SORCS3: variants seen among roughly 807,000 people sequenced by gnomAD.
The protein encoded by SORCS3 is VPS10 domain-containing receptor SorCS3.
A neutral mutation model predicts 146.3 loss-of-function variants in SORCS3; 57 were observed. The ratio of observed to expected loss-of-function variants is 0.39; its 90% CI spans 0.31 to 0.49. SORCS3 has a LOEUF of 0.49. SORCS3 is among the 20% of genes least tolerant of loss of function. The pLI, the probability that SORCS3 is intolerant of heterozygous loss-of-function variation, is 0.92. For synonymous variants in SORCS3, 653 were observed against 618.5 expected (o/e 1.06, Z -0.83); for missense variants, 1,341 against 1,575.5 (o/e 0.85, Z 2.52).
At chr10:104,786,491 T>C (rs1370296075) in intron 1 of SORCS3, among the ~76,000 whole-genome samples, 2 of 150,176 alleles carry the variant, frequency 1.3e-5, no homozygotes, top group Non-Finnish European at 2.9e-5. Flanking sequence ...GAGGTTGCAG[T>C]GAGCCAAGAT....
chr10:104,736,479 G>C (rs1217451228), intron 1 of SORCS3, among the ~76,000 whole-genome samples: 1 of 152,134 alleles, frequency 6.6e-6, no homozygotes, highest in Non-Finnish European at 1.5e-5. Flanking sequence ...GTTTTTGACT[G>C]TAAGTGACAC....
chr10:104,847,111 C>T (rs935325011), intron 2 of SORCS3, among the ~76,000 whole-genome samples: 2 of 152,110 alleles, frequency 1.3e-5, no homozygotes, highest in African/African-American at 4.8e-5. Context: ...GCATATGGTG[C>T]ATGCTTTGGT....
At chr10:104,881,403 G>A (rs529870578) in intron 2 of SORCS3, among the ~76,000 whole-genome samples, 40 of 152,244 alleles carry the variant, frequency 2.6e-4, no homozygotes, top group African/African-American at 8.7e-4. Flanking sequence ...AAAGAAGCCC[G>A]TTAGTAATGC....
At chr10:104,874,798 G>C (rs2018554192) in intron 2 of SORCS3, among the ~76,000 whole-genome samples, 1 of 151,978 alleles carries the variant, frequency 6.6e-6, no homozygotes, top group Non-Finnish European at 1.5e-5. Flanking sequence ...TCACATCCTG[G>C]GAAATCCTTC....
At chr10:104,883,495 A>G (rs2018650607) in intron 2 of SORCS3, among the ~76,000 whole-genome samples, 1 of 152,160 alleles carries the variant, frequency 6.6e-6, no homozygotes, top group Non-Finnish European at 1.5e-5. Context: ...ACTCTGAAAT[A>G]TGTACTTTTA....
intron 5 of SORCS3, among the ~76,000 whole-genome samples, chr10:105,079,282 A>G (rs2055608246): frequency 6.6e-6 from 1 of 152,188 alleles, no homozygotes; most frequent in African/African-American, 2.4e-5. Context: ...AGTAGGGCCT[A>G]TGCATTTGTA....
At chr10:105,262,799 T>C (rs1225183702) in intron 26 of SORCS3, among the ~76,000 whole-genome samples, 1 of 152,244 alleles carries the variant, frequency 6.6e-6, no homozygotes, top group African/African-American at 2.4e-5. Flanking sequence ...TCCTTACTAA[T>C]GATTACATGA....
At chr10:104,861,700 G>A (rs962885998) in intron 2 of SORCS3, among the ~76,000 whole-genome samples, 3 of 152,134 alleles carry the variant, frequency 2.0e-5, no homozygotes, top group Admixed American at 6.5e-5. Flanking sequence ...ATGGCAGGAC[G>A]TCACCCAGTG....
intron 1 of SORCS3, among the ~76,000 whole-genome samples, chr10:104,654,591 A>T (rs1589448028): frequency 6.6e-6 from 1 of 152,336 alleles, no homozygotes; most frequent in East Asian, 1.9e-4. Context: ...TGGCATGTCT[A>T]AAATTTTGTT....
At chr10:104,999,205 C>A (rs991685570) in intron 4 of SORCS3, among the ~76,000 whole-genome samples, 1 of 151,966 alleles carries the variant, frequency 6.6e-6, no homozygotes, top group Non-Finnish European at 1.5e-5. Flanking sequence ...TTGGTAAATT[C>A]TTTTTAGTCA....
chr10:104,883,984 G>GGT, intron 2 of SORCS3, among the ~76,000 whole-genome samples: 1 of 150,390 alleles, frequency 6.6e-6, no homozygotes, highest in Non-Finnish European at 1.5e-5. Context: ...ATGAGGGGGG[G>GGT]GAAAGGGTCC....
At chr10:104,904,608 T>C (rs1353360766) in intron 2 of SORCS3, among the ~76,000 whole-genome samples, 1 of 151,976 alleles carries the variant, frequency 6.6e-6, no homozygotes, top group Non-Finnish European at 1.5e-5. Flanking sequence ...AATAAAATGA[T>C]ATTTTTGAAA....
chr10:104,724,178 C>CA (rs1295746752), intron 1 of SORCS3, among the ~76,000 whole-genome samples: 1 of 152,130 alleles, frequency 6.6e-6, no homozygotes, highest in African/African-American at 2.4e-5. Flanking sequence ...CTGGTGGTGA[C>CA]AAAATCTCTC....
Position 105,071,576 on chromosome 10 carries a change from C to T in SORCS3, c.1029-18199C>T, listed in dbSNP as rs74680727. Among the ~76,000 whole-genome samples the T allele has an allele frequency of 9.6e-3, 1,461 of 152,006 alleles. 17 individuals carry two copies. The highest frequency in any genetic ancestry group is 0.032 in the African/African-American group (1,334 of 41,460). ...AGTAAGTGTATATATTTATGGGGCA[C>T]GTGAGATGTTTTGATACAGGCATGC... On this transcript the variant is annotated intron_variant, in intron 5 of 26. Coordinates refer to ENST00000369701, the MANE Select transcript of SORCS3 (RefSeq NM_014978.3).
At chr10:104,695,665 AT>A (rs1380184543) in intron 1 of SORCS3, among the ~76,000 whole-genome samples, 1 of 151,786 alleles carries the variant, frequency 6.6e-6, no homozygotes, top group African/African-American at 2.4e-5. Flanking sequence ...TAATATGGGT[AT>A]GTACATATTA....
chr10:105,200,919 C>T (rs1396332156), intron 15 of SORCS3, among the ~76,000 whole-genome samples: 4 of 152,088 alleles, frequency 2.6e-5, no homozygotes, highest in African/African-American at 4.8e-5. Context: ...GAAGTGGGCC[C>T]ACCTTCCATA....
rs117080076 is a variant in SORCS3 at position 104,731,610 on chromosome 10, C to T, written c.627+89656C>T. 8.0e-3 allele frequency among the ~76,000 whole-genome samples: 1,222 copies of T among 152,318 alleles called. 31 individuals carry two copies. The highest frequency in any genetic ancestry group is 0.046 in the East Asian group (240 of 5,186). On this transcript the variant is annotated intron_variant, in intron 1 of 26. Coordinates refer to ENST00000369701, the MANE Select transcript of SORCS3 (RefSeq NM_014978.3). ...GCTTTGGATCACACTGCCTTGCCCA[C>T]TGTGATGTGTCTCCATGTCCTCTGT... is the stretch of plus-strand genomic sequence containing the variant.
intron 14 of SORCS3, among the ~76,000 whole-genome samples, chr10:105,181,829 T>C (rs2056444559): frequency 6.6e-6 from 1 of 152,166 alleles, no homozygotes; most frequent in Admixed American, 6.5e-5. Flanking sequence ...GAGATGCCTG[T>C]GGCTGTTGCA....
chr10:104,727,111 T>A (rs60256942), intron 1 of SORCS3, among the ~76,000 whole-genome samples: 1 of 152,216 alleles, frequency 6.6e-6, no homozygotes, highest in Non-Finnish European at 1.5e-5. Flanking sequence ...GAGGATCATG[T>A]CATATTCTGT....
Sources: gnomAD v4.1 joint callset for allele counts (sites outside exome capture counted in the v4.1 genomes callset) on GRCh38, gnomAD v4.1.1 for gene constraint, MANE v1.5 for transcripts, NCBI Gene and HGNC (gene_info 2026-07-23, HGNC 2026-07-21) for gene names.